Variants in NIBAN3 observed in about 807,000 individuals in gnomAD.
NIBAN3 encodes niban apoptosis regulator 3, also known as protein Niban 3.
A neutral mutation model predicts 76.4 loss-of-function variants in NIBAN3; 66 were observed. That is an observed-to-expected ratio of 0.86 (90% CI 0.71 to 1.06). The LOEUF (loss-of-function observed/expected upper bound fraction) is 1.06. NIBAN3 is among the 50% of genes least tolerant of loss of function. The probability of loss-of-function intolerance (pLI) is 0.00; values close to 1 mark genes in which losing one functional copy is unlikely to be tolerated. For missense variants in NIBAN3, 808 were observed against 810.7 expected (o/e 1.00, Z 0.04); for synonymous variants, 360 against 355.2 (o/e 1.01, Z -0.15).
intron 4 of NIBAN3, among the ~76,000 whole-genome samples, chr19:17,534,910 G>A (rs141941730): frequency 1.1e-3 from 161 of 152,216 alleles, no homozygotes; most frequent in Non-Finnish European, 2.0e-3. Context: ...CTGCCCAGCA[G>A]GCAGGCCCAT....
chr19:17,541,630 G>A (rs1289113119), intron 9 of NIBAN3, among the ~76,000 whole-genome samples: 3 of 151,462 alleles, frequency 2.0e-5, no homozygotes, highest in East Asian at 1.9e-4. Flanking sequence ...CCATGACACC[G>A]TGCCTCACTG....
intron 5 of NIBAN3, among the ~76,000 whole-genome samples, chr19:17,538,620 G>GA (rs139572235): frequency 0.032 from 4,738 of 149,026 alleles, 224 homozygotes; most frequent in African/African-American, 0.11. Context: ...GACCCCCTGA[G>GA]AAAGAGAGAG....
intron 4 of NIBAN3, among the ~76,000 whole-genome samples, chr19:17,533,945 AAAACAAACAAAC>A (rs370655406): frequency 6.6e-5 from 10 of 152,080 alleles, no homozygotes; most frequent in African/African-American, 2.4e-4. Flanking sequence ...CCTACTCTGG[AAAACAAACAAAC>A]AAACAAACAA....
intron 3 of NIBAN3, 86 bp downstream of exon 3, chr19:17,532,474 A>G: frequency 6.3e-7 from 1 of 1,585,936 alleles, no homozygotes; most frequent in Non-Finnish European, 8.7e-7. Context: ...TCCATATCTC[A>G]GCATAGCCCC....
intron 3 of NIBAN3, 166 bp from the exon 4 acceptor site, chr19:17,533,415 CAAAAAA>C: frequency 4.7e-6 from 2 of 428,792 alleles, no homozygotes; most frequent in Non-Finnish European, 4.0e-6. Context: ...GTCTCAAAAA[CAAAAAA>C]AAAAAAAAAG....
At position 17,530,064 on chromosome 19, in the gene NIBAN3, AG is replaced by A. The variant is rs150365441; in HGVS notation, c.56-690del. Among the ~76,000 whole-genome samples the A allele has an allele frequency of 8.8e-3, 1,332 of 150,774 alleles. 39 individuals are homozygous for A. The highest frequency in any genetic ancestry group is 0.03 in the African/African-American group (1,207 of 40,846). On this transcript the variant is annotated intron_variant, in intron 1 of 14. Transcript: ENST00000599164. ...GGACAGACACCCTGTCTCAAAAAAA[AG>A]AAAAAAAAGTGCAAGACAAGTGGAT...
chr19:17,553,639 C>T lies in NIBAN3; in HGVS notation c.*1741C>T, dbSNP rs552645805. The T allele has an allele frequency of 7.9e-7, 1 of 1,270,116 alleles. No individual in the cohort carries two copies. The highest frequency in any genetic ancestry group is 2.3e-5 in the East Asian group (1 of 42,878). 78.7% of individuals were successfully genotyped at this position (1,270,116 alleles called of 1,614,324 possible). ...ACATTTGCTCAATACATTTGCACTT[C>T]ATAGGCTTCTTTAGCTGTCTTCCTT... On this transcript the variant is annotated 3_prime_UTR_variant, in exon 15 of 15. Transcript: ENST00000599164.
At chr19:17,540,625 G>A in intron 9 of NIBAN3, 43 bp downstream of exon 9, 18 of 1,325,918 alleles carry the variant, frequency 1.4e-5, no homozygotes, top group Non-Finnish European at 1.7e-5. Context: ...AGAGGGTGAT[G>A]TGTTAACTTG....
chr19:17,545,767 G>T (rs1004285889), intron 12 of NIBAN3: 4 of 206,264 alleles, frequency 1.9e-5, no homozygotes, highest in Non-Finnish European at 3.1e-5. Flanking sequence ...AGGTGTACAG[G>T]ATGGAACACG....
intron 1 of NIBAN3, 149 bp downstream of exon 1, chr19:17,527,544 CA>C: frequency 3.4e-6 from 3 of 875,050 alleles, no homozygotes; most frequent in Non-Finnish European, 5.0e-6. Context: ...AAATTTCACG[CA>C]GTGAATCTTT....
Position 17,532,132 on chromosome 19 carries a change from A to T in NIBAN3, c.187-131A>T, listed in dbSNP as rs535228572. The T allele has an allele frequency of 5.2e-5, 63 of 1,210,342 alleles. 1 individual carries two copies. The South Asian group carries it at 9.1e-4, about 17-fold the overall frequency. 75.0% of individuals were successfully genotyped at this position (1,210,342 alleles called of 1,614,324 possible). A position where few individuals can be genotyped will look rare whatever the true frequency, so the allele number is the denominator to read the frequency against. On this transcript the variant is annotated intron_variant, in intron 2 of 14. Coordinates refer to ENST00000599164, the MANE Select transcript of NIBAN3 (RefSeq NM_001321827.2). ...GACACAGAGCCCCTTCCTGCCTAGG[A>T]CTCTCTCTGTCCAGCCTGGGGCATC...
intron 3 of NIBAN3, 105 bp downstream of exon 3, chr19:17,532,493 C>T: frequency 2.0e-6 from 3 of 1,537,430 alleles, no homozygotes; most frequent in Non-Finnish European, 2.7e-6. Context: ...CCACCTCTAT[C>T]AATCACCCAG....
rs899579157 is a variant in NIBAN3 at position 17,540,503 on chromosome 19, G to T, written c.1091G>T (p.Arg364Leu). 3 of 1,598,646 alleles carry T rather than the reference G, an allele frequency of 1.9e-6. No individual in the cohort carries two copies. The highest frequency in any genetic ancestry group is 2.6e-6 in the Non-Finnish European group (3 of 1,172,986). Residue 364 changes from arginine to leucine, a missense_variant, in exon 9 of 15, where the codon CGG (arginine) becomes CTG (leucine). Transcript: ENST00000599164. ...RTVEASLEAV[R>L]TLLAQGMDRL... is the part of the protein sequence containing the mutation. ...GTGGAAGCCTCGCTCGAGGCGGTGCGGACCCTCCTGGCTCAAGGCATGGAC... is the reference window on the plus strand; with the variant it reads ...GTGGAAGCCTCGCTCGAGGCGGTGCTGACCCTCCTGGCTCAAGGCATGGAC...
intron 12 of NIBAN3, among the ~76,000 whole-genome samples, chr19:17,544,718 C>G (rs1335493770): frequency 6.6e-6 from 1 of 152,166 alleles, no homozygotes; most frequent in Non-Finnish European, 1.5e-5. Flanking sequence ...TCCTAGGTAC[C>G]TAGGCACACA....
chr19:17,530,972 C>G (rs2075710992), intron 2 of NIBAN3, 87 bp downstream of exon 2: 3 of 1,437,924 alleles, frequency 2.1e-6, no homozygotes, highest in African/African-American at 2.9e-5. Context: ...AACCTCAGAC[C>G]TTTGCCATTG....
Position 17,553,319 on chromosome 19 carries a change from A to G in NIBAN3, c.*1421A>G, listed in dbSNP as rs1210912809. On this transcript the variant is annotated 3_prime_UTR_variant, in exon 15 of 15. Coordinates refer to ENST00000599164, the MANE Select transcript of NIBAN3 (RefSeq NM_001321827.2). ...TTTTGGGTTTGTTTCCTAGCTCCAA[A>G]TCTTAACTTGGTGTCAAGTTTCCTG... The G allele has an allele frequency of 6.2e-7, 1 of 1,613,182 alleles. No homozygotes were observed. Among genetic ancestry groups the G allele is most frequent in the Non-Finnish European group, 8.5e-7 (1 of 1,179,492 alleles).
downstream of NIBAN3, among the ~76,000 whole-genome samples, chr19:17,555,058 C>T (rs10418731): frequency 0.06 from 9,079 of 152,100 alleles, 825 homozygotes; most frequent in African/African-American, 0.2. Flanking sequence ...GAGCTTGTGC[C>T]CAGAACGGTC....
intron 5 of NIBAN3, among the ~76,000 whole-genome samples, chr19:17,538,706 AAGG>A (rs1175941005): frequency 1.4e-5 from 2 of 141,648 alleles, no homozygotes; most frequent in East Asian, 4.0e-4. Flanking sequence ...AAAGAAAAGA[AAGG>A]AGAAAGAAAG....
intron 12 of NIBAN3, chr19:17,545,939 C>T (rs1037111614): frequency 1.6e-5 from 7 of 439,282 alleles, no homozygotes; most frequent in Admixed American, 2.4e-5. Flanking sequence ...CTCCCTTTCC[C>T]GGTCTGCTAA....
Sources: gnomAD v4.1 joint callset for allele counts (sites outside exome capture counted in the v4.1 genomes callset) on GRCh38, gnomAD v4.1.1 for gene constraint, MANE v1.5 for transcripts, NCBI Gene and HGNC (gene_info 2026-07-23, HGNC 2026-07-21) for gene names.